The following PREX2 variants were observed in gnomAD, a reference collection of about 807,000 sequenced individuals.
PREX2 encodes the protein phosphatidylinositol 3,4,5-trisphosphate-dependent Rac exchanger 2 protein.
Under a neutral mutation model 203.2 loss-of-function variants are expected in PREX2, and 107 were observed. The observed-to-expected ratio is 0.53, with a 90% CI of 0.45 to 0.62. PREX2 has a LOEUF of 0.62. Among genes scored for constraint, PREX2 ranks in the 20% least tolerant of loss-of-function variants. The probability of loss-of-function intolerance (pLI) is 0.00; values close to 1 mark genes in which losing one functional copy is unlikely to be tolerated. For synonymous variants in PREX2, 672 were observed against 663.6 expected (o/e 1.01, Z -0.19); for missense variants, 1,777 against 1,955.9 (o/e 0.91, Z 1.72).
chr8:68,011,717 T>C (rs1374262896), intron 1 of PREX2, among the ~76,000 whole-genome samples: 1 of 152,198 alleles, frequency 6.6e-6, no homozygotes, highest in Admixed American at 6.5e-5. Flanking sequence ...CTACCTCTAC[T>C]GTTTTTGACC....
At chr8:68,209,716 C>T (rs918233062) in intron 37 of PREX2, among the ~76,000 whole-genome samples, 4 of 152,120 alleles carry the variant, frequency 2.6e-5, no homozygotes, top group East Asian at 1.9e-4. Context: ...ATTTCAAATT[C>T]GTTAACAAAT....
chr8:68,043,705 T>C (rs1444321714), intron 7 of PREX2, among the ~76,000 whole-genome samples: 3 of 152,078 alleles, frequency 2.0e-5, no homozygotes, highest in African/African-American at 4.8e-5. Flanking sequence ...ATTTTTCCTG[T>C]TTAATTTAAT....
chr8:68,199,943 G>A (rs947053321), intron 37 of PREX2, among the ~76,000 whole-genome samples: 2 of 152,136 alleles, frequency 1.3e-5, no homozygotes, highest in Admixed American at 6.6e-5. Flanking sequence ...CAATGAAGAC[G>A]TATTAAGTAA....
In PREX2 at chr8:68,234,158, TA is replaced by T. The variant is rs1260131517; in HGVS notation, c.*2786del. 1 of 152,088 alleles carries T rather than the reference TA, an allele frequency of 6.6e-6. No individual in the cohort carries two copies. The highest frequency in any genetic ancestry group is 1.9e-4 in the East Asian group (1 of 5,178). The allele number at this position is 152,088 out of a possible 1,614,324, so 9.4% of individuals were successfully genotyped here. On this transcript the variant is annotated 3_prime_UTR_variant, in exon 40 of 40. Transcript: ENST00000288368. ...TATAATTCCAACACAGTGGTAAGAG[TA>T]AAAAACATACCTAATGGATGAATGA...
At chr8:68,073,265 G>C (rs1443705340) in intron 14 of PREX2, among the ~76,000 whole-genome samples, 1 of 150,754 alleles carries the variant, frequency 6.6e-6, no homozygotes, top group Admixed American at 6.7e-5. Flanking sequence ...TTAAAGAAAA[G>C]ATGAAGAAAA....
At chr8:68,040,927 T>C (rs1808177641) in intron 7 of PREX2, among the ~76,000 whole-genome samples, 1 of 152,232 alleles carries the variant, frequency 6.6e-6, no homozygotes, top group Non-Finnish European at 1.5e-5. Context: ...GACATAATAC[T>C]ATTTGTTTTA....
At chr8:68,097,692 T>A (rs982531873) in intron 22 of PREX2, among the ~76,000 whole-genome samples, 1 of 152,208 alleles carries the variant, frequency 6.6e-6, no homozygotes, top group East Asian at 1.9e-4. Flanking sequence ...CTTTTATTGA[T>A]CCTTTTGGAG....
At chr8:67,973,145 T>C (rs1805973762) in intron 1 of PREX2, among the ~76,000 whole-genome samples, 1 of 152,192 alleles carries the variant, frequency 6.6e-6, no homozygotes. Context: ...TTCTCTGAAG[T>C]AGTCTCCTTT....
At chr8:68,098,754 A>T (rs372785220) in intron 22 of PREX2, among the ~76,000 whole-genome samples, 2 of 151,890 alleles carry the variant, frequency 1.3e-5, no homozygotes, top group African/African-American at 4.8e-5. Context: ...TAAGTTCTAG[A>T]CTAGTGATTA....
In PREX2 at chr8:68,060,697, G is replaced by A. The variant is rs771537710; in HGVS notation, c.1257G>A (p.Leu419=). ...CTTGCAGCGAATTTGTGTCATGGCT[G>A]TTGGAAATTGGAGAGATTCACAGGC... ...CFLGSEFVSW[L]LEIGEIHRPE... is the part of the protein sequence containing the mutation. The change falls in exon 11 of 40, where the codon CTG becomes CTA. Residue 419 remains leucine, a synonymous_variant. Transcript: ENST00000288368. 167 of 1,610,666 alleles carry A rather than the reference G, an allele frequency of 1.0e-4. No homozygotes were observed. The highest frequency in any genetic ancestry group is 1.3e-4 in the Non-Finnish European group (153 of 1,179,032).
At chr8:68,115,440 T>A (rs970878939) in intron 25 of PREX2, among the ~76,000 whole-genome samples, 1 of 152,234 alleles carries the variant, frequency 6.6e-6, no homozygotes, top group African/African-American at 2.4e-5. Flanking sequence ...TGGAAGCCAG[T>A]TATTCTCATT....
At chr8:68,098,020 T>G (rs1357617748) in intron 22 of PREX2, among the ~76,000 whole-genome samples, 1 of 152,200 alleles carries the variant, frequency 6.6e-6, no homozygotes, top group African/African-American at 2.4e-5. Flanking sequence ...GACATCACCT[T>G]TGCAGAGGTC....
At chr8:68,131,320 G>T (rs1051926113) in intron 31 of PREX2, among the ~76,000 whole-genome samples, 4 of 152,190 alleles carry the variant, frequency 2.6e-5, no homozygotes, top group Admixed American at 2.6e-4. Context: ...AAAAGCTCTT[G>T]ATATAATATG....
chr8:68,086,197 T>C (rs1341948178), intron 18 of PREX2, among the ~76,000 whole-genome samples: 2 of 152,186 alleles, frequency 1.3e-5, no homozygotes, highest in Admixed American at 6.5e-5. Context: ...CTTCATAGTG[T>C]ATAACCTAAT....
chr8:68,218,140 G>C (rs1346710728), intron 38 of PREX2, among the ~76,000 whole-genome samples: 2 of 152,296 alleles, frequency 1.3e-5, no homozygotes, highest in South Asian at 2.1e-4. Context: ...TGACTGCCAA[G>C]GGACATTCAT....
chr8:68,164,394 A>T (rs11781586), intron 35 of PREX2, among the ~76,000 whole-genome samples: 2 of 151,492 alleles, frequency 1.3e-5, no homozygotes, highest in Non-Finnish European at 2.9e-5. Flanking sequence ...ATACACACAC[A>T]CTATATATAT....
intron 3 of PREX2, among the ~76,000 whole-genome samples, chr8:68,020,249 C>T (rs529162749): frequency 3.6e-4 from 53 of 148,536 alleles, no homozygotes; most frequent in South Asian, 2.3e-3. Context: ...AAATGATGCC[C>T]GAAATTATTT....
Position 67,977,060 on chromosome 8 carries a change from C to G in PREX2, c.141+24525C>G, listed in dbSNP as rs138784232. Among the ~76,000 whole-genome samples the G allele has an allele frequency of 2.1e-4, 32 of 152,282 alleles. No homozygotes were observed. In the East Asian group the frequency reaches 2.1e-3, roughly 10 times the overall value. On this transcript the variant is annotated intron_variant, in intron 1 of 39. Transcript: ENST00000288368. ...TAATGGATTGAATGTTTGTCTCCCC[C>G]CTAAATGTATATGTTGAAATTCTAA...
At chr8:68,042,029 A>T (rs1030520865) in intron 7 of PREX2, among the ~76,000 whole-genome samples, 1 of 152,068 alleles carries the variant, frequency 6.6e-6, no homozygotes, top group Non-Finnish European at 1.5e-5. Flanking sequence ...ATAGTTCAAC[A>T]TGTCCATTCC....
Sources: gnomAD v4.1 joint callset for allele counts (sites outside exome capture counted in the v4.1 genomes callset) on GRCh38, gnomAD v4.1.1 for gene constraint, MANE v1.5 for transcripts, NCBI Gene and HGNC (gene_info 2026-07-23, HGNC 2026-07-21) for gene names.